SNTG1: variants seen among roughly 807,000 people sequenced by gnomAD.
SNTG1 encodes syntrophin gamma 1.
SNTG1 carries 39 observed loss-of-function variants against 74.7 expected under a neutral mutation model. The ratio of observed to expected loss-of-function variants is 0.52; its 90% CI spans 0.40 to 0.68. The LOEUF (loss-of-function observed/expected upper bound fraction) is 0.68, where lower values mean the gene tolerates loss of function less well. Ranked by LOEUF, SNTG1 falls within the 30% of genes least tolerant of loss-of-function variation. The pLI is 0.00. For missense variants in SNTG1, 685 were observed against 609.5 expected (o/e 1.12, Z -1.30); for synonymous variants, 254 against 217.1 (o/e 1.17, Z -1.49).
intron 1 of SNTG1, among the ~76,000 whole-genome samples, chr8:50,131,222 G>A (rs1043399493): frequency 1.3e-5 from 2 of 152,044 alleles, no homozygotes; most frequent in South Asian, 4.1e-4. Flanking sequence ...ATGCAATCAG[G>A]AAAGCATTCA....
chr8:50,201,183 A>G (rs973840409), intron 2 of SNTG1, among the ~76,000 whole-genome samples: 1 of 152,206 alleles, frequency 6.6e-6, no homozygotes, highest in Non-Finnish European at 1.5e-5. Context: ...CCAGGATCAG[A>G]CAATTAATAA....
At chr8:50,756,028 C>T (rs370765377) in intron 18 of SNTG1, among the ~76,000 whole-genome samples, 71 of 147,062 alleles carry the variant, frequency 4.8e-4, no homozygotes, top group Admixed American at 3.3e-3. Flanking sequence ...TATTTTCATA[C>T]GCTAATTTTC....
intron 1 of SNTG1, among the ~76,000 whole-genome samples, chr8:49,954,769 C>T (rs935209792): frequency 3.3e-5 from 5 of 152,060 alleles, no homozygotes; most frequent in Middle Eastern, 3.4e-3. Context: ...TAAAGCATAT[C>T]GACTTACTTA....
chr8:50,590,184 G>A (rs1274070018), intron 12 of SNTG1, among the ~76,000 whole-genome samples: 4 of 152,134 alleles, frequency 2.6e-5, no homozygotes, highest in Non-Finnish European at 5.9e-5. Context: ...ATACCATAGA[G>A]AGTTAGCATG....
chr8:50,117,899 G>C (rs1345873559), intron 1 of SNTG1, among the ~76,000 whole-genome samples: 1 of 152,100 alleles, frequency 6.6e-6, no homozygotes, highest in African/African-American at 2.4e-5. Flanking sequence ...AGTGTGGTGA[G>C]ATTTGTGACT....
At chr8:50,476,593 T>G (rs1563441455) in intron 8 of SNTG1, among the ~76,000 whole-genome samples, 1 of 152,156 alleles carries the variant, frequency 6.6e-6, no homozygotes, top group Non-Finnish European at 1.5e-5. Context: ...GGGGATGTCC[T>G]TATGAGCTCC....
chr8:50,569,830 T>C (rs1192955401), intron 12 of SNTG1, among the ~76,000 whole-genome samples: 1 of 152,050 alleles, frequency 6.6e-6, no homozygotes, highest in Non-Finnish European at 1.5e-5. Flanking sequence ...TTATTCTTTA[T>C]CCACCAAAAT....
chr8:50,532,061 A>T, intron 10 of SNTG1, among the ~76,000 whole-genome samples: 1 of 152,200 alleles, frequency 6.6e-6, no homozygotes, highest in Admixed American at 6.5e-5. Context: ...TATAAAATTA[A>T]AAATAAAGCA....
At chr8:50,709,052 A>C in intron 17 of SNTG1, 74 bp downstream of exon 17, 1 of 1,055,498 alleles carries the variant, frequency 9.5e-7, no homozygotes, top group Non-Finnish European at 1.4e-6. Flanking sequence ...ATGCCTCATA[A>C]CTCCTTTCAG....
At chr8:50,069,063 C>T (rs1461514105) in intron 1 of SNTG1, among the ~76,000 whole-genome samples, 7 of 152,118 alleles carry the variant, frequency 4.6e-5, no homozygotes, top group Non-Finnish European at 7.3e-5. Context: ...ATTGTCACTA[C>T]CACTTATAAA....
intron 2 of SNTG1, among the ~76,000 whole-genome samples, chr8:50,267,821 C>T (rs6987003): frequency 0.89 from 135,577 of 152,166 alleles, 61,955 homozygotes; most frequent in East Asian, 1. Flanking sequence ...AGAGAATCTA[C>T]AGGAAAAATA....
At chr8:50,581,450 C>T (rs1312693528) in intron 12 of SNTG1, among the ~76,000 whole-genome samples, 2 of 152,126 alleles carry the variant, frequency 1.3e-5, no homozygotes, top group Non-Finnish European at 2.9e-5. Flanking sequence ...TCAGATGCCT[C>T]TCTCTCTCCA....
chr8:49,996,842 AT>A (rs1170277294), intron 1 of SNTG1, among the ~76,000 whole-genome samples: 2 of 57,924 alleles, frequency 3.5e-5, no homozygotes, highest in Admixed American at 1.8e-4. Flanking sequence ...ATAGAAGCTC[AT>A]AATTACATAG....
intron 13 of SNTG1, among the ~76,000 whole-genome samples, chr8:50,655,247 T>C (rs943071857): frequency 6.6e-6 from 1 of 152,206 alleles, no homozygotes; most frequent in Admixed American, 6.5e-5. Flanking sequence ...CCTGTAATTA[T>C]TCTGACACAG....
chr8:49,951,534 C>T (rs1175190811), intron 1 of SNTG1, among the ~76,000 whole-genome samples: 1 of 151,226 alleles, frequency 6.6e-6, no homozygotes, highest in Non-Finnish European at 1.5e-5. Context: ...CGCATATTCT[C>T]ACTCATAGGT....
At chr8:50,005,384 C>T (rs167631) in intron 1 of SNTG1, among the ~76,000 whole-genome samples, 123,826 of 151,502 alleles carry the variant, frequency 0.82, 50,750 homozygotes, top group East Asian at 0.95. Flanking sequence ...TTAAATAAAC[C>T]CAAAAATTTC....
chr8:49,985,291 C>G (rs574992570), intron 1 of SNTG1, among the ~76,000 whole-genome samples: 54 of 152,206 alleles, frequency 3.5e-4, no homozygotes, highest in Admixed American at 3.3e-4. Flanking sequence ...AGGTGCGCAT[C>G]GCCATGCCTG....
Position 50,104,548 on chromosome 8 carries a change from G to T in SNTG1, c.-102-68013G>T, listed in dbSNP as rs866781552. Among the ~76,000 whole-genome samples the T allele has an allele frequency of 2.2e-3, 331 of 151,740 alleles. 1 individual carries two copies. Among genetic ancestry groups the T allele is most frequent in the Middle Eastern group, 6.8e-3 (2 of 292 alleles). On this transcript the variant is annotated intron_variant, in intron 1 of 18. Transcript: ENST00000642720. ...CATTAATTTTTTGAAGCGTTTTTTT[G>T]TGTCTCTATTTCCTTCAGTTCTGCT...
chr8:50,696,339 T>G (rs1267861228), intron 15 of SNTG1, among the ~76,000 whole-genome samples: 3 of 152,138 alleles, frequency 2.0e-5, no homozygotes, highest in Non-Finnish European at 4.4e-5. Flanking sequence ...TGTTGAGTTG[T>G]CTGAGTTCCT....
Sources: allele counts gnomAD v4.1 joint callset (sites outside exome capture counted in the v4.1 genomes callset), GRCh38; gene constraint gnomAD v4.1.1; transcripts MANE v1.5; gene names NCBI Gene and HGNC (gene_info 2026-07-23, HGNC 2026-07-21).